ATF7IP2: variants seen among roughly 807,000 people sequenced by gnomAD.
The protein encoded by ATF7IP2 is activating transcription factor 7-interacting protein 2.
In ATF7IP2, 42 loss-of-function variants were observed where a neutral mutation model predicts 64.2. The observed-to-expected ratio is 0.65, with a 90% CI of 0.51 to 0.85. The LOEUF is 0.85. ATF7IP2 is among the 40% of genes least tolerant of loss of function. The probability of loss-of-function intolerance (pLI) is 0.00; values close to 1 mark genes in which losing one functional copy is unlikely to be tolerated. For synonymous variants in ATF7IP2, 308 were observed against 272.8 expected (o/e 1.13, Z -1.27); for missense variants, 933 against 784.2 (o/e 1.19, Z -2.27).
intron 3 of ATF7IP2, among the ~76,000 whole-genome samples, chr16:10,425,513 A>G (rs1265479155): frequency 2.0e-5 from 3 of 152,228 alleles, no homozygotes; most frequent in Non-Finnish European, 4.4e-5. Flanking sequence ...TATGGCATGT[A>G]TAACTAAATG....
intron 1 of ATF7IP2, among the ~76,000 whole-genome samples, chr16:10,392,021 C>T (rs2047335809): frequency 6.7e-6 from 1 of 149,784 alleles, no homozygotes; most frequent in South Asian, 2.1e-4. Flanking sequence ...AAAATTGACA[C>T]CAAAAGATAT....
At chr16:10,402,695 C>T (rs567619508) in intron 1 of ATF7IP2, among the ~76,000 whole-genome samples, 1 of 152,198 alleles carries the variant, frequency 6.6e-6, no homozygotes, top group East Asian at 1.9e-4. Context: ...AACTCCTGAG[C>T]TCAAGTGATC....
intron 8 of ATF7IP2, among the ~76,000 whole-genome samples, chr16:10,450,412 C>T (rs1035891310): frequency 2.6e-5 from 4 of 152,064 alleles, no homozygotes; most frequent in South Asian, 4.2e-4. Context: ...ATTGACAGTG[C>T]GTTGTTAAAG....
chr16:10,472,768 A>G (rs1380753679), intron 10 of ATF7IP2, among the ~76,000 whole-genome samples: 1 of 150,760 alleles, frequency 6.6e-6, no homozygotes, highest in Non-Finnish European at 1.5e-5. Flanking sequence ...AGGCAGGAGA[A>G]TTGCTTGAAC....
chr16:10,439,115 C>T (rs1293156683), intron 7 of ATF7IP2, among the ~76,000 whole-genome samples: 5 of 150,108 alleles, frequency 3.3e-5, no homozygotes, highest in African/African-American at 1.2e-4. Flanking sequence ...AGAACTTGTA[C>T]AACCTGTTTC....
intron 1 of ATF7IP2, among the ~76,000 whole-genome samples, chr16:10,413,208 G>A (rs888540043): frequency 1.3e-5 from 2 of 152,122 alleles, no homozygotes; most frequent in Admixed American, 1.3e-4. Flanking sequence ...ATCTCAACTT[G>A]CATTGTATCT....
At chr16:10,454,515 T>C (rs2049103721) in intron 8 of ATF7IP2, among the ~76,000 whole-genome samples, 1 of 148,544 alleles carries the variant, frequency 6.7e-6, no homozygotes, top group African/African-American at 2.4e-5. Flanking sequence ...AATCTGTATA[T>C]TTATTATTTT....
At chr16:10,454,745 T>TA (rs2049111765) in intron 8 of ATF7IP2, among the ~76,000 whole-genome samples, 1 of 152,208 alleles carries the variant, frequency 6.6e-6, no homozygotes, top group Non-Finnish European at 1.5e-5. Flanking sequence ...ATGTACTTCT[T>TA]AATGCAAATA....
intron 9 of ATF7IP2, among the ~76,000 whole-genome samples, chr16:10,465,406 A>G (rs13335336): frequency 0.081 from 12,249 of 152,088 alleles, 1,020 homozygotes; most frequent in African/African-American, 0.2. Context: ...TCAGGCTTCC[A>G]TAAAAATTAT....
intron 1 of ATF7IP2, among the ~76,000 whole-genome samples, chr16:10,400,341 G>A (rs770105405): frequency 2.6e-5 from 4 of 151,862 alleles, no homozygotes; most frequent in Non-Finnish European, 4.4e-5. Flanking sequence ...GTGCCCAGCC[G>A]TGTGTTGATT....
chr16:10,424,355 A>G (rs1336880228), intron 3 of ATF7IP2, among the ~76,000 whole-genome samples: 1 of 152,222 alleles, frequency 6.6e-6, no homozygotes, highest in Non-Finnish European at 1.5e-5. Flanking sequence ...ATCTCTCACC[A>G]TAAGCAAAAC....
chr16:10,392,341 T>C (rs1023845276), intron 1 of ATF7IP2, among the ~76,000 whole-genome samples: 1 of 150,042 alleles, frequency 6.7e-6, no homozygotes, highest in Non-Finnish European at 1.5e-5. Flanking sequence ...GCCTGGCCTT[T>C]TTTTTTTTTT....
At chr16:10,429,043 C>G (rs1323953388) in intron 4 of ATF7IP2, 27 bp downstream of exon 4, 2 of 151,998 alleles carry the variant, frequency 1.3e-5, no homozygotes, top group African/African-American at 4.8e-5. Flanking sequence ...GTTGAATTCT[C>G]CCTTTAAAAT....
At chr16:10,387,591 C>T (rs2047227519) in intron 1 of ATF7IP2, 1 of 152,344 alleles carries the variant, frequency 6.6e-6, no homozygotes, top group Admixed American at 6.5e-5. Context: ...ATCTTGAAAT[C>T]TGGTACGAAA....
chr16:10,388,571 G>A (rs2047253894), intron 1 of ATF7IP2, among the ~76,000 whole-genome samples: 1 of 152,306 alleles, frequency 6.6e-6, no homozygotes, highest in African/African-American at 2.4e-5. Context: ...CTTTACTAAG[G>A]AGACAGTGAC....
chr16:10,431,168 C>T lies in ATF7IP2; in HGVS notation c.548C>T (p.Ser183Phe). 1.2e-6 allele frequency: 2 copies of T among 1,614,196 alleles called. No homozygotes were observed. The highest frequency in any genetic ancestry group is 2.2e-5 in the East Asian group (1 of 44,888). ...AGTGGTGTTGTTCAGATGCCAGAGT[C>T]TACAGTAACCAGTACCGTGGGTGAC... The part of the protein sequence containing the change: ...VLSGVVQMPE[S>F]TVTSTVGDKK... Residue 183 changes from serine (S) to phenylalanine (F), a missense_variant, in exon 5 of 14, where the codon TCT becomes TTT. Ser to Phe is a radical substitution (Grantham distance 155). Coordinates refer to ENST00000562102, the MANE Select transcript of ATF7IP2 (RefSeq NM_001393719.1).
At chr16:10,453,324 T>G (rs1445306676) in intron 8 of ATF7IP2, among the ~76,000 whole-genome samples, 3 of 152,132 alleles carry the variant, frequency 2.0e-5, no homozygotes, top group African/African-American at 7.2e-5. Context: ...CATCATGGCT[T>G]CCCTTGGGTA....
intron 1 of ATF7IP2, among the ~76,000 whole-genome samples, chr16:10,401,757 C>CT (rs59240195): frequency 5.6e-4 from 77 of 137,538 alleles, no homozygotes; most frequent in South Asian, 2.1e-3. Context: ...TGTTGGGAGT[C>CT]TTTTTTTTTT....
chr16:10,420,671 T>C (rs960238170), intron 3 of ATF7IP2, among the ~76,000 whole-genome samples: 1 of 152,242 alleles, frequency 6.6e-6, no homozygotes, highest in African/African-American at 2.4e-5. Context: ...TCCTAACTGC[T>C]GTTTGCAATT....
Sources: gnomAD v4.1 joint callset for allele counts (sites outside exome capture counted in the v4.1 genomes callset) on GRCh38, gnomAD v4.1.1 for gene constraint, MANE v1.5 for transcripts, NCBI Gene and HGNC (gene_info 2026-07-23, HGNC 2026-07-21) for gene names.